The following CADM1 variants were observed in gnomAD, a reference collection of about 807,000 sequenced individuals.
The protein encoded by CADM1 is cell adhesion molecule 1.
CADM1 carries 15 observed loss-of-function variants against 53.1 expected under a neutral mutation model. That is an observed-to-expected ratio of 0.28 (90% CI 0.19 to 0.44). The LOEUF is 0.44. Among genes scored for constraint, CADM1 ranks in the 20% least tolerant of loss-of-function variants. The pLI, the probability that CADM1 is intolerant of heterozygous loss-of-function variation, is 1.00. For synonymous variants in CADM1, 281 were observed against 243.0 expected (o/e 1.16, Z -1.45); for missense variants, 434 against 611.3 (o/e 0.71, Z 3.06).
chr11:115,287,662 C>T (rs1247404213), intron 1 of CADM1, among the ~76,000 whole-genome samples: 1 of 152,200 alleles, frequency 6.6e-6, no homozygotes, highest in East Asian at 1.9e-4. Context: ...CTGAGAATTA[C>T]TGAGTTACGA....
chr11:115,340,658 A>ATATATATATATATTTT (rs60532835), intron 1 of CADM1, among the ~76,000 whole-genome samples: 2 of 34,938 alleles, frequency 5.7e-5, no homozygotes, highest in African/African-American at 1.4e-4. Flanking sequence ...ATATATATAT[A>ATATATATATATATTTT]TTTTTTTTTT....
chr11:115,471,686 G>A (rs914794824), intron 1 of CADM1, among the ~76,000 whole-genome samples: 6 of 152,292 alleles, frequency 3.9e-5, no homozygotes, highest in African/African-American at 9.6e-5. Context: ...TTCTGTTGAC[G>A]CTGCTGGCCT....
In CADM1 at chr11:115,238,486, C is replaced by A; in HGVS notation, c.424+14G>T. The A allele has an allele frequency of 6.2e-7, 1 of 1,613,780 alleles. No homozygotes were observed. Among genetic ancestry groups the A allele is most frequent in the Non-Finnish European group, 8.5e-7 (1 of 1,179,708 alleles). On this transcript the variant is annotated intron_variant, in intron 3 of 11. Coordinates refer to ENST00000331581, the MANE Select transcript of CADM1 (RefSeq NM_001301043.2). ...ATTCCATTTCCCCGGGTAAGCCCCA[C>A]ATGCGTTTCTTACCCAGGACTGTGA... is the stretch of plus-strand genomic sequence containing the variant.
At chr11:115,365,452 T>C (rs767622150) in intron 1 of CADM1, among the ~76,000 whole-genome samples, 56 of 152,132 alleles carry the variant, frequency 3.7e-4, no homozygotes, top group Non-Finnish European at 7.2e-4. Context: ...GAGACAGAGA[T>C]TGAAAATCAT....
chr11:115,214,723 C>T lies in CADM1; in HGVS notation c.879G>A (p.Leu293=). 6.8e-6 allele frequency: 11 copies of T among 1,614,046 alleles called. No homozygotes were observed. Among genetic ancestry groups the T allele is most frequent in the Non-Finnish European group, 9.3e-6 (11 of 1,179,950 alleles). ...TATTGATGAACAGGTTGGGCCCAGA[C>T]AGTACGGCGTGTTGAGGCATTTCAT... ...VDDEMPQHAV[L]SGPNLFINNL... The change falls in exon 7 of 12, where the codon CTG becomes CTA. Residue 293 remains leucine (L), a synonymous_variant. Transcript: ENST00000331581.
intron 1 of CADM1, among the ~76,000 whole-genome samples, chr11:115,249,439 G>T (rs1348099162): frequency 6.6e-6 from 1 of 152,226 alleles, no homozygotes; most frequent in African/African-American, 2.4e-5. Context: ...ATCCGGTGTT[G>T]TTGGTCACAG....
chr11:115,328,694 A>G (rs201974053), intron 1 of CADM1, among the ~76,000 whole-genome samples: 6,001 of 23,470 alleles, frequency 0.26, 1,171 homozygotes, highest in East Asian at 0.84. Context: ...ATATATGTGT[A>G]TATATATGTA....
chr11:115,460,263 C>A (rs545790975), intron 1 of CADM1, among the ~76,000 whole-genome samples: 1 of 152,194 alleles, frequency 6.6e-6, no homozygotes, highest in African/African-American at 2.4e-5. Context: ...TGCTCTCTAA[C>A]GCAAACCTTT....
chr11:115,243,228 A>G (rs1415281792), intron 1 of CADM1, among the ~76,000 whole-genome samples: 3 of 152,244 alleles, frequency 2.0e-5, no homozygotes, highest in African/African-American at 7.2e-5. Context: ...CTGCAAACCC[A>G]TGGTGGTATC....
At chr11:115,418,836 A>C (rs1052920414) in intron 1 of CADM1, among the ~76,000 whole-genome samples, 5 of 152,214 alleles carry the variant, frequency 3.3e-5, no homozygotes, top group Non-Finnish European at 7.3e-5. Flanking sequence ...GAGACTTTAC[A>C]AGAGCAAGTA....
chr11:115,331,857 A>G (rs964365677), intron 1 of CADM1, among the ~76,000 whole-genome samples: 1 of 151,374 alleles, frequency 6.6e-6, no homozygotes, highest in African/African-American at 2.4e-5. Flanking sequence ...AGATGTAACT[A>G]AAATGAAATA....
intron 1 of CADM1, among the ~76,000 whole-genome samples, chr11:115,491,303 T>G (rs1038084870): frequency 6.6e-6 from 1 of 152,126 alleles, no homozygotes; most frequent in East Asian, 1.9e-4. Flanking sequence ...CAGTGGCTCA[T>G]GCCTGTAATC....
intron 1 of CADM1, among the ~76,000 whole-genome samples, chr11:115,324,237 C>T (rs183398376): frequency 3.4e-4 from 52 of 152,304 alleles, no homozygotes; most frequent in African/African-American, 1.2e-3. Context: ...AAAGTAATCA[C>T]ATGTCTTCCT....
chr11:115,253,217 C>T (rs936780245), intron 1 of CADM1, among the ~76,000 whole-genome samples: 5 of 152,226 alleles, frequency 3.3e-5, no homozygotes, highest in Admixed American at 6.5e-5. Flanking sequence ...CAAGCTGGCC[C>T]TAAACAGTCT....
intron 1 of CADM1, among the ~76,000 whole-genome samples, chr11:115,445,539 A>G (rs1238744210): frequency 1.3e-5 from 2 of 152,062 alleles, no homozygotes; most frequent in African/African-American, 4.8e-5. Flanking sequence ...GTAGCCCGAA[A>G]GTTACTAACA....
At chr11:115,425,434 C>A (rs1198765922) in intron 1 of CADM1, among the ~76,000 whole-genome samples, 2 of 152,188 alleles carry the variant, frequency 1.3e-5, no homozygotes, top group South Asian at 4.1e-4. Context: ...TTTCATTGCA[C>A]CCACTTCAAC....
intron 1 of CADM1, among the ~76,000 whole-genome samples, chr11:115,360,516 A>G (rs950704004): frequency 6.6e-6 from 1 of 152,212 alleles, no homozygotes. Flanking sequence ...TGACACCAAA[A>G]AGGCATGCAG....
chr11:115,371,975 A>G (rs557744159), intron 1 of CADM1, among the ~76,000 whole-genome samples: 1 of 152,316 alleles, frequency 6.6e-6, no homozygotes, highest in South Asian at 2.1e-4. Flanking sequence ...TTTTCATCTG[A>G]TATCATCATA....
At chr11:115,177,060 C>T (rs536272957) in intron 11 of CADM1, among the ~76,000 whole-genome samples, 1 of 152,300 alleles carries the variant, frequency 6.6e-6, no homozygotes, top group East Asian at 1.9e-4. Flanking sequence ...TTTGAACCAC[C>T]GTCCCGTGTC....
Sources: gnomAD v4.1 joint callset for allele counts (sites outside exome capture counted in the v4.1 genomes callset) on GRCh38, gnomAD v4.1.1 for gene constraint, MANE v1.5 for transcripts, NCBI Gene and HGNC (gene_info 2026-07-23, HGNC 2026-07-21) for gene names.